The following TPTE2 variants were observed in gnomAD, a reference collection of about 807,000 sequenced individuals.
TPTE2 encodes the protein phosphatidylinositol 3,4,5-trisphosphate 3-phosphatase TPTE2.
In TPTE2, 53 loss-of-function variants were observed where a neutral mutation model predicts 78.6. The ratio of observed to expected loss-of-function variants is 0.67; its 90% CI spans 0.54 to 0.85. The LOEUF is 0.85. Among genes scored for constraint, TPTE2 ranks in the 40% least tolerant of loss-of-function variants. The pLI is 0.00. For synonymous variants in TPTE2, 175 were observed against 206.2 expected (o/e 0.85, Z 1.30); for missense variants, 461 against 623.0 (o/e 0.74, Z 2.77).
At chr13:19,488,836 C>CTGTTT (rs1395050761) in intron 3 of TPTE2, among the ~76,000 whole-genome samples, 78 of 152,266 alleles carry the variant, frequency 5.1e-4, no homozygotes, top group African/African-American at 1.9e-3. Context: ...TTTGGCTTTT[C>CTGTTT]TGTTTTGTTT....
chr13:19,538,797 A>G (rs1163979120), upstream of TPTE2, among the ~76,000 whole-genome samples: 2 of 152,152 alleles, frequency 1.3e-5, no homozygotes, highest in Non-Finnish European at 1.5e-5. Context: ...GATTACAGGT[A>G]TGAGCCAATG....
chr13:19,444,403 A>G (rs1877701123), intron 13 of TPTE2, among the ~76,000 whole-genome samples: 1 of 151,526 alleles, frequency 6.6e-6, no homozygotes, highest in Non-Finnish European at 1.5e-5. Flanking sequence ...AATAAAATGA[A>G]CTGCATTTAA....
At chr13:19,459,104 A>C (rs138001642) in intron 10 of TPTE2, among the ~76,000 whole-genome samples, 3,135 of 152,186 alleles carry the variant, frequency 0.021, 112 homozygotes, top group African/African-American at 0.072. Flanking sequence ...CTTTTTAATA[A>C]TAGCCATTCT....
intron 13 of TPTE2, among the ~76,000 whole-genome samples, chr13:19,444,306 C>CAA (rs538483322): frequency 2.5e-5 from 1 of 39,772 alleles, no homozygotes; most frequent in Non-Finnish European, 4.6e-5. Flanking sequence ...GACTCTGCCA[C>CAA]AAAAAAAAAA....
At chr13:19,459,283 T>C (rs1289780979) in intron 10 of TPTE2, among the ~76,000 whole-genome samples, 5 of 152,162 alleles carry the variant, frequency 3.3e-5, no homozygotes, top group African/African-American at 1.2e-4. Flanking sequence ...TTCTTGTAAA[T>C]TTAAGTTCCT....
chr13:19,428,296 A>G (rs1406475758), intron 17 of TPTE2, among the ~76,000 whole-genome samples: 1 of 152,056 alleles, frequency 6.6e-6, no homozygotes, highest in South Asian at 2.1e-4. Flanking sequence ...TAATAATACA[A>G]AATTAGCCAG....
At chr13:19,500,001 A>G (rs1015297197) in intron 1 of TPTE2, among the ~76,000 whole-genome samples, 1 of 148,092 alleles carries the variant, frequency 6.8e-6, no homozygotes, top group African/African-American at 2.6e-5. Flanking sequence ...ACAAACTACC[A>G]TCAGAGAATA....
At chr13:19,468,740 T>G (rs1879439194) in intron 6 of TPTE2, among the ~76,000 whole-genome samples, 1 of 152,210 alleles carries the variant, frequency 6.6e-6, no homozygotes, top group Non-Finnish European at 1.5e-5. Flanking sequence ...TCATGGTAGT[T>G]TTCTACACTG....
upstream of TPTE2, among the ~76,000 whole-genome samples, chr13:19,504,867 CCT>C (rs1422014097): frequency 6.6e-6 from 1 of 151,634 alleles, no homozygotes; most frequent in African/African-American, 2.4e-5. Context: ...TCTCTCTCTC[CCT>C]GTGTTTGTGT....
chr13:19,429,473 G>A (rs1247606821), intron 17 of TPTE2, among the ~76,000 whole-genome samples: 2 of 152,346 alleles, frequency 1.3e-5, no homozygotes, highest in East Asian at 1.9e-4. Context: ...TGAGACTGGC[G>A]AATGCATTTG....
chr13:19,491,234 G>C (rs1255337648), intron 3 of TPTE2, among the ~76,000 whole-genome samples: 1 of 152,120 alleles, frequency 6.6e-6, no homozygotes, highest in African/African-American at 2.4e-5. Flanking sequence ...TTTTGTGGAA[G>C]GTCCCTTCAT....
At chr13:19,470,446 T>G (rs548063946) in intron 6 of TPTE2, among the ~76,000 whole-genome samples, 1 of 152,328 alleles carries the variant, frequency 6.6e-6, no homozygotes, top group East Asian at 1.9e-4. Context: ...TTGTTGAGGA[T>G]TTTTGCATCA....
chr13:19,438,289 T>G, intron 13 of TPTE2, 136 bp from the exon 17 acceptor site: 1 of 1,330,942 alleles, frequency 7.5e-7, no homozygotes, highest in Non-Finnish European at 9.7e-7. Context: ...CAGGCTGGAG[T>G]GCAGTGGCAC....
chr13:19,433,490 G>A (rs545942755), intron 15 of TPTE2, among the ~76,000 whole-genome samples: 39 of 152,280 alleles, frequency 2.6e-4, no homozygotes, highest in African/African-American at 8.7e-4. Flanking sequence ...GTGACAGAGC[G>A]AGACTCTGTC....
exon 2 of TPTE2, chr13:19,493,476 T>C (rs1881131591): frequency 6.2e-7 from 1 of 1,613,730 alleles, no homozygotes; most frequent in Non-Finnish European, 8.5e-7. Flanking sequence ...TCCTCGGTTG[T>C]TCCTTTAAAT....
chr13:19,491,589 G>A (rs1880989603), intron 3 of TPTE2, among the ~76,000 whole-genome samples: 1 of 152,082 alleles, frequency 6.6e-6, no homozygotes, highest in African/African-American at 2.4e-5. Context: ...AGTTTGGGAG[G>A]CTAAGGCGGG....
chr13:19,462,379 G>A (rs1168065817), intron 10 of TPTE2, among the ~76,000 whole-genome samples: 2 of 151,682 alleles, frequency 1.3e-5, no homozygotes, highest in Non-Finnish European at 2.9e-5. Flanking sequence ...TAGTATTCTT[G>A]GTTGACAGTT....
chr13:19,433,701 T>C (rs2057385691), intron 15 of TPTE2, among the ~76,000 whole-genome samples: 1 of 152,146 alleles, frequency 6.6e-6, no homozygotes, highest in Admixed American at 6.5e-5. Flanking sequence ...GATCAGAATG[T>C]GATGGTGTCT....
upstream of TPTE2, among the ~76,000 whole-genome samples, chr13:19,506,107 A>ATGAG (rs1449420602): frequency 7.0e-6 from 1 of 143,042 alleles, no homozygotes; most frequent in African/African-American, 2.6e-5. Context: ...ATGTGTATGC[A>ATGAG]TGAGTGTATG....
Sources: allele counts gnomAD v4.1 joint callset (sites outside exome capture counted in the v4.1 genomes callset), GRCh38; gene constraint gnomAD v4.1.1; transcripts MANE v1.5; gene names NCBI Gene and HGNC (gene_info 2026-07-23, HGNC 2026-07-21).